The following MTARC1 variants were observed in gnomAD, a reference collection of about 807,000 sequenced individuals.
The protein encoded by MTARC1 is mitochondrial amidoxime reducing component 1.
MTARC1 carries 24 observed loss-of-function variants against 33.6 expected under a neutral mutation model. That is an observed-to-expected ratio of 0.72 (90% CI 0.52 to 1.01). The LOEUF (loss-of-function observed/expected upper bound fraction) is 1.01, where lower values mean the gene tolerates loss of function less well. Ranked by LOEUF, MTARC1 falls within the 50% of genes least tolerant of loss-of-function variation. The pLI, the probability that MTARC1 is intolerant of heterozygous loss-of-function variation, is 0.00. For missense variants in MTARC1, 417 were observed against 445.7 expected (o/e 0.94, Z 0.58); for synonymous variants, 187 against 189.5 (o/e 0.99, Z 0.11).
rs764493248 is a variant in MTARC1 at position 220,791,521 on chromosome 1, C to T, written c.306C>T (p.Asn102=). The T allele has an allele frequency of 5.0e-6, 8 of 1,614,134 alleles. No homozygotes were observed. The South Asian group carries it at 8.8e-5, about 18-fold the overall frequency. ...GGCTTGTGATCAACCAGGAGGGAAACATGGTTACTGCTCGCCAGGAACCTC... is the reference window on the plus strand; with the variant it reads ...GGCTTGTGATCAACCAGGAGGGAAATATGGTTACTGCTCGCCAGGAACCTC... The part of the protein sequence containing the change: ...RFWLVINQEG[N]MVTARQEPRL... The change falls in exon 2 of 7, where the codon AAC becomes AAT. Residue 102 remains asparagine, a synonymous_variant. Coordinates refer to ENST00000366910, the MANE Select transcript of MTARC1 (RefSeq NM_022746.4).
intron 6 of MTARC1, chr1:220,808,978 CA>C (rs34579579): frequency 0.17 from 60,732 of 356,146 alleles, 2,964 homozygotes; most frequent in Middle Eastern, 0.2. Context: ...CATGGGTACT[CA>C]AAAAAAAAAA....
At chr1:220,794,849 G>T (rs979543771) in intron 2 of MTARC1, among the ~76,000 whole-genome samples, 1 of 152,106 alleles carries the variant, frequency 6.6e-6, no homozygotes, top group Non-Finnish European at 1.5e-5. Flanking sequence ...GTGTGAAAAG[G>T]TATCAAGTCA....
rs953630444 is a variant in MTARC1, at chr1:220,798,555, G to C, written c.753+541G>C. On this transcript the variant is annotated intron_variant, in intron 4 of 6. Coordinates refer to ENST00000366910, the MANE Select transcript of MTARC1 (RefSeq NM_022746.4). The stretch of plus-strand genomic sequence containing the variant: ...CTTAGCTTGAACAGCCCTGAGGCTT[G>C]GTTTCTGGGATTCCACAGGATTCTG... 1.8e-4 allele frequency: 175 copies of C among 985,276 alleles called. 1 individual carries two copies. The highest frequency in any genetic ancestry group is 4.8e-6 in the Non-Finnish European group (4 of 829,928). The allele number at this position is 985,276 out of a possible 1,614,324, so 61.0% of individuals were successfully genotyped here.
intron 6 of MTARC1, 29 bp downstream of exon 6, chr1:220,805,303 C>T (rs17596144): frequency 0.14 from 223,657 of 1,611,342 alleles, 16,596 homozygotes; most frequent in South Asian, 0.16. Flanking sequence ...GGCTCATCCT[C>T]GGGTTTAGGT....
chr1:220,788,071 C>G (rs1475822904), intron 1 of MTARC1, among the ~76,000 whole-genome samples: 3 of 152,188 alleles, frequency 2.0e-5, no homozygotes. Flanking sequence ...CCCCAATTCT[C>G]TCCAATGCTC....
chr1:220,800,972 C>T (rs1039708647), intron 4 of MTARC1, among the ~76,000 whole-genome samples: 5 of 152,152 alleles, frequency 3.3e-5, no homozygotes, highest in Non-Finnish European at 5.9e-5. Flanking sequence ...GCCTCCTTGC[C>T]CCACCCTTGA....
chr1:220,798,635 C>T (rs758325500), intron 4 of MTARC1: 8 of 946,934 alleles, frequency 8.4e-6, no homozygotes, highest in Non-Finnish European at 1.0e-5. Flanking sequence ...TTGATTCTCT[C>T]CCTGGGCTTC....
chr1:220,801,206 T>A (rs1672789959), intron 4 of MTARC1, among the ~76,000 whole-genome samples: 1 of 152,016 alleles, frequency 6.6e-6, no homozygotes, highest in Non-Finnish European at 1.5e-5. Flanking sequence ...GCTCTCTTAC[T>A]CTGCCCCAGC....
At chr1:220,798,634 TCCCTGG>T in intron 4 of MTARC1, 1 of 947,596 alleles carries the variant, frequency 1.1e-6, no homozygotes. Flanking sequence ...CTTGATTCTC[TCCCTGG>T]GCTTCCATGA....
intron 1 of MTARC1, chr1:220,791,254 A>T: frequency 2.6e-6 from 1 of 386,196 alleles, no homozygotes; most frequent in Non-Finnish European, 4.7e-6. Context: ...AAGAGCTCAA[A>T]CTGTTCTCCA....
rs951841174 is a variant in MTARC1 at position 220,818,907 on chromosome 1, G to A, written c.*5489G>A. On this transcript the variant is annotated 3_prime_UTR_variant, in exon 7 of 7. Transcript: ENST00000366910. ...GACAGCTGGAGAGCTCTTCGTTGCAGGCAGCTCTGGTTAACATCAACCGGG... is the reference window on the plus strand; with the variant it reads ...GACAGCTGGAGAGCTCTTCGTTGCAAGCAGCTCTGGTTAACATCAACCGGG... 9.9e-5 allele frequency: 15 copies of A among 152,184 alleles called. No individual in the cohort carries two copies. The highest frequency in any genetic ancestry group is 3.4e-4 in the African/African-American group (14 of 41,434). 9.4% of individuals were successfully genotyped at this position (152,184 alleles called of 1,614,324 possible). A position where few individuals can be genotyped will look rare whatever the true frequency, so the allele number is the denominator to read the frequency against.
chr1:220,794,330 AG>A (rs1390254825), intron 2 of MTARC1: 1 of 151,828 alleles, frequency 6.6e-6, no homozygotes, highest in Non-Finnish European at 1.5e-5. Flanking sequence ...ATGACCTTCA[AG>A]GCTGTCTCCA....
At position 220,814,778 on chromosome 1, in the gene MTARC1, G is replaced by A. The variant is rs980145113; in HGVS notation, c.*1360G>A. The A allele has an allele frequency of 4.6e-5, 7 of 152,188 alleles. No homozygotes were observed. The highest frequency in any genetic ancestry group is 9.7e-5 in the African/African-American group (4 of 41,438). The allele number at this position is 152,188 out of a possible 1,614,324, so 9.4% of individuals were successfully genotyped here. A position where few individuals can be genotyped will look rare whatever the true frequency, so the allele number is the denominator to read the frequency against. On this transcript the variant is annotated 3_prime_UTR_variant, in exon 7 of 7. Coordinates refer to ENST00000366910, the MANE Select transcript of MTARC1 (RefSeq NM_022746.4). ...AGGAAAAAAAAAGAAAGCTGACTGA[G>A]GTGAATGGGCAAAGCCAGTAATTCT...
At chr1:220,791,745 C>A (rs1340295004) in intron 2 of MTARC1, 81 bp downstream of exon 2, 17 of 1,463,922 alleles carry the variant, frequency 1.2e-5, no homozygotes, top group Non-Finnish European at 1.5e-5. Flanking sequence ...AGAGGGAATG[C>A]TGAGAAACAT....
intron 1 of MTARC1, among the ~76,000 whole-genome samples, chr1:220,790,330 C>T (rs185870228): frequency 2.7e-3 from 409 of 152,272 alleles, no homozygotes; most frequent in Middle Eastern, 0.014. Context: ...AAGGGCTGGG[C>T]ACGCCCTTGT....
intron 2 of MTARC1, among the ~76,000 whole-genome samples, chr1:220,792,932 AT>A (rs1672475478): frequency 6.6e-6 from 1 of 152,030 alleles, no homozygotes; most frequent in Non-Finnish European, 1.5e-5. Context: ...GATTGTCTTA[AT>A]TTTTTTCCAG....
At chr1:220,799,044 T>G in intron 4 of MTARC1, 1 of 985,436 alleles carries the variant, frequency 1.0e-6, no homozygotes, top group Non-Finnish European at 1.2e-6. Context: ...AAGTCCCATT[T>G]ACCTTGCCTG....
chr1:220,796,860 G>T (rs1236110485), intron 3 of MTARC1, 55 bp downstream of exon 3: 2 of 1,518,056 alleles, frequency 1.3e-6, no homozygotes, highest in East Asian at 2.6e-5. Flanking sequence ...AGATCAGGGG[G>T]CTCAGGTGGC....
At chr1:220,812,721 G>A (rs539888413) in intron 6 of MTARC1, among the ~76,000 whole-genome samples, 4 of 145,914 alleles carry the variant, frequency 2.7e-5, no homozygotes, top group Non-Finnish European at 6.1e-5. Flanking sequence ...GACACATTGA[G>A]TATCTAATTT....
Sources: gnomAD v4.1 joint callset for allele counts (sites outside exome capture counted in the v4.1 genomes callset) on GRCh38, gnomAD v4.1.1 for gene constraint, MANE v1.5 for transcripts, NCBI Gene and HGNC (gene_info 2026-07-23, HGNC 2026-07-21) for gene names.